Variants in GALNT17 observed in about 807,000 individuals in gnomAD.
GALNT17 encodes UDP-GalNAc:polypeptide N-acetylgalactosaminyltransferase-like 3.
Under a neutral mutation model 63.7 loss-of-function variants are expected in GALNT17, and 29 were observed. That is an observed-to-expected ratio of 0.46 (90% CI 0.34 to 0.62). GALNT17 has a LOEUF of 0.62. GALNT17 is among the 20% of genes least tolerant of loss of function. The pLI is 0.01. For missense variants in GALNT17, 603 were observed against 799.6 expected (o/e 0.75, Z 2.97); for synonymous variants, 305 against 318.3 (o/e 0.96, Z 0.45).
At chr7:71,589,254 A>G (rs1286802114) in intron 6 of GALNT17, among the ~76,000 whole-genome samples, 1 of 152,174 alleles carries the variant, frequency 6.6e-6, no homozygotes, top group Non-Finnish European at 1.5e-5. Flanking sequence ...CACAAATGTT[A>G]TTACGTTAAA....
intron 1 of GALNT17, among the ~76,000 whole-genome samples, chr7:71,227,408 A>G (rs950714955): frequency 7.3e-5 from 11 of 151,670 alleles, no homozygotes; most frequent in African/African-American, 2.7e-4. Flanking sequence ...GAGAACCCAG[A>G]GGTTGAGATG....
chr7:71,470,487 C>G (rs4075533), intron 5 of GALNT17, among the ~76,000 whole-genome samples: 32,570 of 151,728 alleles, frequency 0.21, 4,317 homozygotes, highest in East Asian at 0.55. Context: ...TAGGTCTTTC[C>G]ATTACTCATA....
In GALNT17 at chr7:71,335,738, G is replaced by A; in HGVS notation, c.422+5G>A. 1 of 1,593,066 alleles carries A rather than the reference G, an allele frequency of 6.3e-7. No homozygotes were observed. The highest frequency in any genetic ancestry group is 2.3e-5 in the East Asian group (1 of 43,862). ...TCCGGATTATCGTCCCACCAAGTAA[G>A]TTCTGGTTCAGTCATTTGCGGAGCT... On this transcript the variant is annotated splice_donor_5th_base_variant and intron_variant, in intron 2 of 10. Transcript: ENST00000333538.
rs186551727 is a variant in GALNT17 at position 71,482,192 on chromosome 7, C to T, written c.962+61087C>T. 4.4e-4 allele frequency among the ~76,000 whole-genome samples: 65 copies of T among 148,928 alleles called. 5 individuals are homozygous for T. The highest frequency in any genetic ancestry group is 3.0e-3 in the East Asian group (15 of 4,970). Reference sequence around the variant, plus strand: ...TGAGACGGAGTCTCGCTCTGTCACCCGGTCTGGAGTGCAGTGGTGCGATCT... The same window carrying T: ...TGAGACGGAGTCTCGCTCTGTCACCTGGTCTGGAGTGCAGTGGTGCGATCT... On this transcript the variant is annotated intron_variant, in intron 5 of 10. Coordinates refer to ENST00000333538, the MANE Select transcript of GALNT17 (RefSeq NM_022479.3).
chr7:71,156,606 CT>C (rs1788239371), intron 1 of GALNT17, among the ~76,000 whole-genome samples: 1 of 149,602 alleles, frequency 6.7e-6, no homozygotes, highest in African/African-American at 2.5e-5. Flanking sequence ...TCCTTCCTTC[CT>C]TCCTTCCTTC....
At chr7:71,180,567 G>T (rs2116312068) in intron 1 of GALNT17, among the ~76,000 whole-genome samples, 1 of 152,188 alleles carries the variant, frequency 6.6e-6, no homozygotes, top group South Asian at 2.1e-4. Context: ...GATGCCCTTG[G>T]GAATGTGGTC....
intron 5 of GALNT17, among the ~76,000 whole-genome samples, chr7:71,518,472 T>G (rs1788477686): frequency 6.6e-6 from 1 of 152,184 alleles, no homozygotes; most frequent in Non-Finnish European, 1.5e-5. Flanking sequence ...TGGTGTTTCT[T>G]AGAGTCCTGG....
intron 5 of GALNT17, among the ~76,000 whole-genome samples, chr7:71,565,128 A>G (rs916268967): frequency 2.1e-4 from 32 of 152,192 alleles, no homozygotes; most frequent in African/African-American, 6.5e-4. Context: ...TTAGCCGGGC[A>G]TGGTGCTGGG....
intron 9 of GALNT17, among the ~76,000 whole-genome samples, chr7:71,696,389 A>C (rs1419061285): frequency 6.6e-6 from 1 of 152,180 alleles, no homozygotes; most frequent in East Asian, 1.9e-4. Context: ...CTGGGATTAC[A>C]GGTGTGAGCC....
At chr7:71,509,675 G>A (rs1364169776) in intron 5 of GALNT17, among the ~76,000 whole-genome samples, 1 of 152,286 alleles carries the variant, frequency 6.6e-6, no homozygotes, top group Non-Finnish European at 1.5e-5. Context: ...CCTGAGGCTA[G>A]GATCTGGGCA....
intron 1 of GALNT17, among the ~76,000 whole-genome samples, chr7:71,332,351 A>G (rs984815236): frequency 1.2e-4 from 19 of 152,058 alleles, no homozygotes; most frequent in African/African-American, 4.6e-4. Flanking sequence ...TTCAGTTTCA[A>G]TGATATTTCT....
At chr7:71,318,348 C>T (rs542563708) in intron 1 of GALNT17, among the ~76,000 whole-genome samples, 2 of 152,124 alleles carry the variant, frequency 1.3e-5, no homozygotes, top group South Asian at 4.2e-4. Flanking sequence ...TTGCTTATAG[C>T]CTCATCTGTC....
intron 6 of GALNT17, among the ~76,000 whole-genome samples, chr7:71,635,185 T>C (rs893884832): frequency 7.7e-4 from 103 of 133,258 alleles, no homozygotes; most frequent in Non-Finnish European, 1.4e-3. Context: ...CCAGCCTGGG[T>C]GACAGAGTGA....
chr7:71,296,730 A>T (rs1791087446), intron 1 of GALNT17, among the ~76,000 whole-genome samples: 1 of 151,696 alleles, frequency 6.6e-6, no homozygotes. Context: ...TTTTTTTTAG[A>T]CAGGGTATAT....
chr7:71,335,835 G>T, intron 2 of GALNT17, 102 bp downstream of exon 2: 2 of 1,082,096 alleles, frequency 1.8e-6, no homozygotes, highest in Non-Finnish European at 1.2e-6. Flanking sequence ...AACTCTTGGG[G>T]GAGTTTTTAT....
chr7:71,601,134 C>CAT (rs914753797), intron 6 of GALNT17, among the ~76,000 whole-genome samples: 1 of 151,512 alleles, frequency 6.6e-6, no homozygotes, highest in Non-Finnish European at 1.5e-5. Flanking sequence ...ATATATATAT[C>CAT]ATATATATAT....
At chr7:71,371,787 A>T (rs373882512) in intron 2 of GALNT17, among the ~76,000 whole-genome samples, 1 of 152,162 alleles carries the variant, frequency 6.6e-6, no homozygotes. Context: ...GACGTGCACT[A>T]TTATACCCCA....
chr7:71,702,274 C>G (rs911897512), intron 9 of GALNT17, among the ~76,000 whole-genome samples: 1 of 151,940 alleles, frequency 6.6e-6, no homozygotes, highest in Non-Finnish European at 1.5e-5. Context: ...CCCCCTGAAT[C>G]TAAAACTTTT....
At position 71,336,738 on chromosome 7, in the gene GALNT17, A is replaced by G. The variant is rs137994737; in HGVS notation, c.422+1005A>G. Among the ~76,000 whole-genome samples the G allele has an allele frequency of 1.8e-3, 280 of 152,312 alleles. 1 individual carries two copies. Among genetic ancestry groups the G allele is most frequent in the Middle Eastern group, 6.8e-3 (2 of 294 alleles). The stretch of plus-strand genomic sequence containing the variant: ...CCACATTTTCTTTATCCAGTCTACT[A>G]TTGATGGGCATTTAGGTTGATTCCA... On this transcript the variant is annotated intron_variant, in intron 2 of 10. Transcript: ENST00000333538.
Sources: gnomAD v4.1 joint callset for allele counts (sites outside exome capture counted in the v4.1 genomes callset) on GRCh38, gnomAD v4.1.1 for gene constraint, MANE v1.5 for transcripts, NCBI Gene and HGNC (gene_info 2026-07-23, HGNC 2026-07-21) for gene names.